FOCAD: variants seen among roughly 807,000 people sequenced by gnomAD.
FOCAD encodes the protein KIAA1797.
In FOCAD, 198 loss-of-function variants were observed where a neutral mutation model predicts 225.6. That is an observed-to-expected ratio of 0.88 (90% CI 0.78 to 0.99). FOCAD has a LOEUF of 0.99. Ranked by LOEUF, FOCAD falls within the 50% of genes least tolerant of loss-of-function variation. The probability of loss-of-function intolerance (pLI) is 0.00; values close to 1 mark genes in which losing one functional copy is unlikely to be tolerated. For synonymous variants in FOCAD, 897 were observed against 755.0 expected, an observed-to-expected ratio of 1.19 and a Z score of -3.08; for missense variants, 2,713 against 2,123.6, an observed-to-expected ratio of 1.28 and a Z score of -5.46.
intron 35 of FOCAD, among the ~76,000 whole-genome samples, chr9:20,967,361 G>A (rs1271278449): frequency 6.6e-6 from 1 of 151,900 alleles, no homozygotes; most frequent in Admixed American, 6.6e-5. Context: ...TTTGTGTGTT[G>A]GTCTTATATC....
chr9:20,772,985 T>G (rs112410098), intron 8 of FOCAD, among the ~76,000 whole-genome samples: 1 of 150,728 alleles, frequency 6.6e-6, no homozygotes, highest in South Asian at 2.1e-4. Flanking sequence ...TAAATGCATA[T>G]ATAGATGTTT....
At chr9:20,799,196 A>G (rs551402973) in intron 11 of FOCAD, among the ~76,000 whole-genome samples, 18 of 152,300 alleles carry the variant, frequency 1.2e-4, no homozygotes, top group Non-Finnish European at 1.6e-4. Flanking sequence ...GTTTGATTGC[A>G]CTGTGGTCTG....
chr9:20,951,444 T>A (rs1042503431), intron 34 of FOCAD, among the ~76,000 whole-genome samples: 1 of 152,186 alleles, frequency 6.6e-6, no homozygotes, highest in Non-Finnish European at 1.5e-5. Context: ...ATGAGTTACA[T>A]ACAGAGTTAA....
chr9:20,794,662 A>C (rs936492262), intron 11 of FOCAD, among the ~76,000 whole-genome samples: 1 of 152,244 alleles, frequency 6.6e-6, no homozygotes, highest in African/African-American at 2.4e-5. Context: ...TCAAGGATGA[A>C]GGGAAAATTG....
intron 21 of FOCAD, among the ~76,000 whole-genome samples, chr9:20,889,076 T>C (rs4537385): frequency 0.81 from 123,109 of 152,136 alleles, 50,084 homozygotes; most frequent in Admixed American, 0.88. Flanking sequence ...CAAACAATTT[T>C]AGAACAATTT....
At chr9:20,948,212 T>G in intron 30 of FOCAD, 59 bp from the exon 31 acceptor site, 1 of 1,500,560 alleles carries the variant, frequency 6.7e-7, no homozygotes, top group Non-Finnish European at 9.0e-7. Flanking sequence ...TTATAAACAT[T>G]CTAAATCTGT....
Position 20,949,647 on chromosome 9 carries a change from T to G in FOCAD, c.3920T>G (p.Leu1307Arg). Residue 1307 changes from leucine to arginine, a missense_variant, in exon 33 of 44, where the codon CTT becomes CGT. Physicochemically the swap from Leu to Arg is moderately radical, Grantham distance 102. Transcript: ENST00000338382. ...CAGACCTCTCATTTTCAAGGCAGAC[T>G]TAATGAAGTCATTAGAACCTTAACT... ...AIQTSHFQGR[L>R]NEVIRTLTQV... 6.2e-7 allele frequency: 1 copy of G among 1,613,196 alleles called. No individual in the cohort carries two copies. The highest frequency in any genetic ancestry group is 8.5e-7 in the Non-Finnish European group (1 of 1,179,368).
At chr9:20,868,952 C>T (rs1275723209) in intron 18 of FOCAD, among the ~76,000 whole-genome samples, 2 of 152,090 alleles carry the variant, frequency 1.3e-5, no homozygotes, top group African/African-American at 4.8e-5. Context: ...TTCAGTTTGG[C>T]TGTTCGAACA....
At chr9:20,791,576 G>C (rs1820543398) in intron 11 of FOCAD, among the ~76,000 whole-genome samples, 1 of 152,172 alleles carries the variant, frequency 6.6e-6, no homozygotes. Context: ...TCAAGGTACA[G>C]TTTCTTTCCT....
chr9:20,686,286 A>G (rs1822661576), intron 1 of FOCAD, among the ~76,000 whole-genome samples: 1 of 152,160 alleles, frequency 6.6e-6, no homozygotes, highest in Admixed American at 6.5e-5. Flanking sequence ...CCTCCTAAGT[A>G]GCTGGGATTA....
chr9:20,965,538 A>G (rs542359538), intron 35 of FOCAD, among the ~76,000 whole-genome samples: 38 of 152,068 alleles, frequency 2.5e-4, no homozygotes, highest in Non-Finnish European at 5.4e-4. Context: ...TTTTTTGGTG[A>G]TAAAATGTAT....
intron 19 of FOCAD, 199 bp downstream of exon 19, chr9:20,875,006 C>G (rs2131797447): frequency 1.7e-6 from 1 of 605,800 alleles, no homozygotes; most frequent in Middle Eastern, 3.4e-4. Context: ...AACGTTACAT[C>G]TGAGTAGGAT....
chr9:20,950,955 G>C, intron 33 of FOCAD, 41 bp from the exon 34 acceptor site: 1 of 1,541,450 alleles, frequency 6.5e-7, no homozygotes, highest in Non-Finnish European at 9.0e-7. Context: ...ATGGAACTTG[G>C]ATCTTATCCC....
At chr9:20,942,164 C>G (rs970966740) in intron 28 of FOCAD, among the ~76,000 whole-genome samples, 1 of 152,110 alleles carries the variant, frequency 6.6e-6, no homozygotes, top group Non-Finnish European at 1.5e-5. Context: ...ACTTAACTGC[C>G]GCTGTAGCAA....
At chr9:20,916,346 G>T (rs1477202446) in intron 23 of FOCAD, among the ~76,000 whole-genome samples, 1 of 151,874 alleles carries the variant, frequency 6.6e-6, no homozygotes, top group Non-Finnish European at 1.5e-5. Flanking sequence ...ATTTTCTTTT[G>T]GCTTTCCTGT....
At chr9:20,786,093 G>A in intron 10 of FOCAD, among the ~76,000 whole-genome samples, 1 of 152,148 alleles carries the variant, frequency 6.6e-6, no homozygotes, top group East Asian at 1.9e-4. Context: ...GGTAGAGTTG[G>A]AATTCAGATT....
chr9:20,827,493 C>CGT (rs372926136), intron 15 of FOCAD, among the ~76,000 whole-genome samples: 160 of 150,066 alleles, frequency 1.1e-3, no homozygotes, highest in African/African-American at 2.4e-3. Context: ...AAAATTGTGG[C>CGT]GTGTGTGTGT....
chr9:20,969,717 T>C (rs988926694), intron 35 of FOCAD, among the ~76,000 whole-genome samples: 1 of 147,096 alleles, frequency 6.8e-6, no homozygotes, highest in East Asian at 2.0e-4. Context: ...AAAAAATATA[T>C]ATATATAGAT....
At chr9:20,832,015 C>A (rs1825543704) in intron 15 of FOCAD, among the ~76,000 whole-genome samples, 1 of 152,058 alleles carries the variant, frequency 6.6e-6, no homozygotes, top group Admixed American at 6.6e-5. Context: ...CTTGTGGCAA[C>A]ATGTATCAAT....
Sources: allele counts gnomAD v4.1 joint callset (sites outside exome capture counted in the v4.1 genomes callset), GRCh38; gene constraint gnomAD v4.1.1; transcripts MANE v1.5; gene names NCBI Gene and HGNC (gene_info 2026-07-23, HGNC 2026-07-21).